The following SHTN1 variants were observed in gnomAD, a reference collection of about 807,000 sequenced individuals.
The protein encoded by SHTN1 is shootin 1, also known as shootin-1.
Under a neutral mutation model 83.1 loss-of-function variants are expected in SHTN1, and 42 were observed. The observed-to-expected ratio is 0.51, with a 90% CI of 0.39 to 0.65. SHTN1 has a LOEUF of 0.65. Ranked by LOEUF, SHTN1 falls within the 30% of genes least tolerant of loss-of-function variation. The probability of loss-of-function intolerance (pLI) is 0.00; values close to 1 mark genes in which losing one functional copy is unlikely to be tolerated. For missense variants in SHTN1, 622 were observed against 737.8 expected (o/e 0.84, Z 1.82); for synonymous variants, 224 against 247.7 (o/e 0.90, Z 0.90).
intron 9 of SHTN1, among the ~76,000 whole-genome samples, chr10:116,932,446 T>C (rs1849007169): frequency 6.6e-6 from 1 of 152,232 alleles, no homozygotes; most frequent in South Asian, 2.1e-4. Flanking sequence ...GTGGTACAGT[T>C]TCATCCCAAA....
chr10:117,053,661 C>G (rs1350837052), intron 1 of SHTN1, among the ~76,000 whole-genome samples: 1 of 152,170 alleles, frequency 6.6e-6, no homozygotes, highest in Admixed American at 6.5e-5. Flanking sequence ...CTAGTGAGAA[C>G]ATGAAATGGT....
intron 1 of SHTN1, among the ~76,000 whole-genome samples, chr10:116,992,529 T>C (rs935022764): frequency 8.5e-5 from 13 of 152,312 alleles, no homozygotes; most frequent in African/African-American, 3.1e-4. Context: ...AAAGCTGAAA[T>C]ACTAATTACC....
At chr10:117,016,160 GAA>G (rs1220937641) in intron 2 of SHTN1, among the ~76,000 whole-genome samples, 6 of 152,108 alleles carry the variant, frequency 3.9e-5, no homozygotes, top group African/African-American at 1.4e-4. Flanking sequence ...AAATGTAAAA[GAA>G]TGGCATTCTT....
At chr10:117,002,789 T>C (rs1313671140) in intron 1 of SHTN1, among the ~76,000 whole-genome samples, 1 of 152,148 alleles carries the variant, frequency 6.6e-6, no homozygotes, top group Non-Finnish European at 1.5e-5. Flanking sequence ...TCCCAACACC[T>C]TTGTAACTAG....
At chr10:116,901,571 C>G in intron 16 of SHTN1, 194 bp downstream of exon 16, 2 of 985,316 alleles carry the variant, frequency 2.0e-6, no homozygotes, top group Non-Finnish European at 2.4e-6. Context: ...GTACATGGTA[C>G]TTGCTTTGGA....
chr10:117,033,423 AATCTAG>A (rs1469291636), intron 2 of SHTN1, among the ~76,000 whole-genome samples: 1 of 152,190 alleles, frequency 6.6e-6, no homozygotes, highest in Non-Finnish European at 1.5e-5. Flanking sequence ...TAAATTGGAA[AATCTAG>A]AAGAAATGGA....
At position 116,951,989 on chromosome 10, in the gene SHTN1, C is replaced by A; in HGVS notation, c.454G>T (p.Val152Leu). ...ATCTTCTTTTCCTCCTGAACAGATA[C>A]AATTTGATCTCGAAGTTCTGCATTT... Reference protein sequence around the residue: ...KQIKELRDQIVSVQEEKKILA... With the variant: ...KQIKELRDQILSVQEEKKILA... Residue 152 changes from valine (V) to leucine (L), a missense_variant, in exon 6 of 17, where the codon GTA (valine) becomes TTA (leucine). Transcript: ENST00000355371. 6.6e-7 allele frequency: 1 copy of A among 1,522,938 alleles called. No homozygotes were observed. The highest frequency in any genetic ancestry group is 8.8e-7 in the Non-Finnish European group (1 of 1,131,352). 94.3% of individuals were successfully genotyped at this position (1,522,938 alleles called of 1,614,324 possible).
At chr10:117,066,932 G>C (rs1853009854) in intron 1 of SHTN1, among the ~76,000 whole-genome samples, 1 of 152,146 alleles carries the variant, frequency 6.6e-6, no homozygotes, top group South Asian at 2.1e-4. Context: ...AGGTACCTCA[G>C]TCACCCAGAA....
intron 2 of SHTN1, among the ~76,000 whole-genome samples, chr10:116,971,059 T>G (rs1850600004): frequency 6.6e-6 from 1 of 152,136 alleles, no homozygotes; most frequent in Non-Finnish European, 1.5e-5. Context: ...TAAAAATAAG[T>G]AAGAAGCTTG....
At chr10:116,905,063 C>T (rs1277312441) in intron 15 of SHTN1, among the ~76,000 whole-genome samples, 2 of 151,300 alleles carry the variant, frequency 1.3e-5, no homozygotes, top group Non-Finnish European at 2.9e-5. Context: ...TAGCCGGGCG[C>T]GGTGGCGGGC....
intron 1 of SHTN1, among the ~76,000 whole-genome samples, chr10:117,055,261 G>A (rs1293504981): frequency 6.6e-6 from 1 of 152,160 alleles, no homozygotes; most frequent in Non-Finnish European, 1.5e-5. Flanking sequence ...GACGAGATTT[G>A]GGTGAGGACA....
chr10:116,914,195 C>T (rs1316981116), intron 13 of SHTN1, among the ~76,000 whole-genome samples: 1 of 152,114 alleles, frequency 6.6e-6, no homozygotes, highest in Non-Finnish European at 1.5e-5. Context: ...CATCAGAGGC[C>T]GGGCATGGTG....
At chr10:116,991,266 A>G (rs1355784344) in intron 1 of SHTN1, among the ~76,000 whole-genome samples, 1 of 152,212 alleles carries the variant, frequency 6.6e-6, no homozygotes, top group East Asian at 1.9e-4. Context: ...CTCGTAATAT[A>G]TAACTTTAGT....
intron 1 of SHTN1, among the ~76,000 whole-genome samples, chr10:117,083,058 G>T (rs1033771312): frequency 8.6e-5 from 13 of 151,092 alleles, no homozygotes; most frequent in Admixed American, 8.6e-4. Flanking sequence ...AGTGTTATGT[G>T]TGAATTTGAT....
At chr10:117,027,239 A>C (rs1852345189) in intron 2 of SHTN1, among the ~76,000 whole-genome samples, 1 of 152,028 alleles carries the variant, frequency 6.6e-6, no homozygotes. Flanking sequence ...CTGGTTTCTC[A>C]TGAATAGTTT....
At chr10:117,096,167 C>T (rs1338415555) in intron 1 of SHTN1, among the ~76,000 whole-genome samples, 6 of 151,702 alleles carry the variant, frequency 4.0e-5, no homozygotes, top group East Asian at 2.0e-4. Context: ...AAAAATTAAA[C>T]GGTCAAAAAA....
At chr10:117,054,400 CCTTAT>C (rs891066662) in intron 1 of SHTN1, among the ~76,000 whole-genome samples, 1 of 151,362 alleles carries the variant, frequency 6.6e-6, no homozygotes, top group Non-Finnish European at 1.5e-5. Flanking sequence ...GACATAGCAT[CCTTAT>C]CTTTTTTTTT....
In SHTN1 at chr10:116,927,897, C is replaced by T. The variant is rs745741721; in HGVS notation, c.1013-6G>A. The T allele has an allele frequency of 2.2e-5, 35 of 1,612,084 alleles. No individual in the cohort carries two copies. In the South Asian group the frequency reaches 3.5e-4, roughly 16 times the overall value. On this transcript the variant is annotated splice_region_variant and splice_polypyrimidine_tract_variant and intron_variant, in intron 10 of 16. Transcript: ENST00000355371. ...TCGTTTCTGGAGTTCATCAACTGCA[C>T]AGAGAGCAAACATTCAGAAGAGAGC...
chr10:116,989,409 CAG>C (rs1163534311), intron 1 of SHTN1, among the ~76,000 whole-genome samples: 1 of 152,036 alleles, frequency 6.6e-6, no homozygotes, highest in African/African-American at 2.4e-5. Context: ...AAACAAAAAA[CAG>C]AATATTTCTC....
Sources: gnomAD v4.1 joint callset for allele counts (sites outside exome capture counted in the v4.1 genomes callset) on GRCh38, gnomAD v4.1.1 for gene constraint, MANE v1.5 for transcripts, NCBI Gene and HGNC (gene_info 2026-07-23, HGNC 2026-07-21) for gene names.